Variants in DDAH1 observed in about 807,000 individuals in gnomAD.
The protein encoded by DDAH1 is dimethylarginine dimethylaminohydrolase 1.
In DDAH1, 19 loss-of-function variants were observed where a neutral mutation model predicts 28.8. That is an observed-to-expected ratio of 0.66 (90% CI 0.46 to 0.97). The LOEUF is 0.97. Ranked by LOEUF, DDAH1 falls within the 50% of genes least tolerant of loss-of-function variation. The pLI, the probability that DDAH1 is intolerant of heterozygous loss-of-function variation, is 0.00. For missense variants in DDAH1, 326 were observed against 375.9 expected, an observed-to-expected ratio of 0.87 and a Z score of 1.10; for synonymous variants, 153 against 154.4, an observed-to-expected ratio of 0.99 and a Z score of 0.07.
At chr1:85,395,279 A>T (rs928689579) in intron 1 of DDAH1, among the ~76,000 whole-genome samples, 1 of 152,202 alleles carries the variant, frequency 6.6e-6, no homozygotes, top group African/African-American at 2.4e-5. Context: ...AGTTGAAAAC[A>T]GACTAATTTT....
intron 2 of DDAH1, among the ~76,000 whole-genome samples, chr1:85,477,112 T>C (rs929381971): frequency 2.0e-5 from 3 of 151,764 alleles, no homozygotes; most frequent in Admixed American, 6.6e-5. Context: ...GAAAGATGAG[T>C]AGGTATTAAT....
At chr1:85,514,763 C>G (rs1310258419) in intron 1 of DDAH1, among the ~76,000 whole-genome samples, 1 of 152,012 alleles carries the variant, frequency 6.6e-6, no homozygotes, top group African/African-American at 2.4e-5. Flanking sequence ...CCCTTTCACA[C>G]TAGCCCCTGT....
chr1:85,414,681 T>G (rs568721641), intron 1 of DDAH1, among the ~76,000 whole-genome samples: 7 of 152,346 alleles, frequency 4.6e-5, no homozygotes, highest in African/African-American at 1.7e-4. Flanking sequence ...TAACCTACAA[T>G]GCTCTCTTTG....
At chr1:85,495,380 T>C (rs1285815628) in intron 2 of DDAH1, 1 of 152,152 alleles carries the variant, frequency 6.6e-6, no homozygotes, top group Non-Finnish European at 1.5e-5. Flanking sequence ...GGTGATAGCA[T>C]TTGTACATTA....
chr1:85,544,771 T>G (rs1336695087), intron 1 of DDAH1, among the ~76,000 whole-genome samples: 1 of 152,158 alleles, frequency 6.6e-6, no homozygotes, highest in African/African-American at 2.4e-5. Flanking sequence ...ATCAGGAAAC[T>G]GCTCGTGGCC....
At chr1:85,571,016 A>T (rs562032700) in intron 1 of DDAH1, among the ~76,000 whole-genome samples, 1 of 152,208 alleles carries the variant, frequency 6.6e-6, no homozygotes, top group East Asian at 1.9e-4. Context: ...GTTTGGTCAC[A>T]TTCTAACTGT....
intron 1 of DDAH1, among the ~76,000 whole-genome samples, chr1:85,542,913 G>A (rs1338438285): frequency 1.3e-5 from 2 of 152,094 alleles, no homozygotes; most frequent in African/African-American, 4.8e-5. Context: ...TTATAATGAC[G>A]TGCAGAGATG....
intron 1 of DDAH1, among the ~76,000 whole-genome samples, chr1:85,417,177 T>C (rs1652923647): frequency 6.6e-6 from 1 of 152,198 alleles, no homozygotes; most frequent in African/African-American, 2.4e-5. Flanking sequence ...TGAGTTGAAA[T>C]CTGAGACCCC....
chr1:85,347,037 A>G (rs1444796550), intron 4 of DDAH1, among the ~76,000 whole-genome samples: 3 of 152,174 alleles, frequency 2.0e-5, no homozygotes, highest in African/African-American at 7.2e-5. Context: ...ACTGGCCATC[A>G]GAGAAATGCA....
At chr1:85,488,388 G>A (rs1331688122) in intron 2 of DDAH1, 3 of 152,124 alleles carry the variant, frequency 2.0e-5, no homozygotes, top group African/African-American at 7.2e-5. Flanking sequence ...TTCTCACTAT[G>A]TCCTAACATG....
At chr1:85,535,030 C>T (rs1445613084) in intron 1 of DDAH1, among the ~76,000 whole-genome samples, 7 of 150,952 alleles carry the variant, frequency 4.6e-5, no homozygotes, top group Middle Eastern at 3.2e-3. Context: ...TTTTTTTTCC[C>T]GTGGAAATGA....
chr1:85,502,702 G>T (rs1392736297), intron 1 of DDAH1, among the ~76,000 whole-genome samples: 3 of 152,318 alleles, frequency 2.0e-5, no homozygotes, highest in African/African-American at 7.2e-5. Context: ...CAGTGCTGCA[G>T]CCACTGGTAC....
chr1:85,448,720 C>A lies in DDAH1; in HGVS notation c.303+16023G>T, dbSNP rs533631648. ...AATTACAATAATGTGAATAATTTTTCTTTTATAAAAAAACCCCACGAAACA... is the reference window on the plus strand; with the variant it reads ...AATTACAATAATGTGAATAATTTTTATTTTATAAAAAAACCCCACGAAACA... On this transcript the variant is annotated intron_variant, in intron 1 of 5. Transcript: ENST00000284031. Among the ~76,000 whole-genome samples the A allele has an allele frequency of 2.0e-5, 3 of 152,214 alleles. No homozygotes were observed. In the East Asian group the frequency reaches 5.8e-4, roughly 29 times the overall value.
intron 2 of DDAH1, among the ~76,000 whole-genome samples, chr1:85,354,471 TA>T (rs1387603636): frequency 1.3e-5 from 2 of 152,144 alleles, no homozygotes; most frequent in Non-Finnish European, 1.5e-5. Context: ...ACAGATCCAT[TA>T]TTTTTTTATT....
At position 85,355,657 on chromosome 1, in the gene DDAH1, T is replaced by C. The variant is rs184250287; in HGVS notation, c.403+3091A>G. Reference sequence around the variant, plus strand: ...GAAATTCATTTCCAGGTGTTTACTTTAGAGAAACTCTTGTATATGTTCCCA... The same window carrying C: ...GAAATTCATTTCCAGGTGTTTACTTCAGAGAAACTCTTGTATATGTTCCCA... On this transcript the variant is annotated intron_variant, in intron 2 of 5. Coordinates refer to ENST00000284031, the MANE Select transcript of DDAH1 (RefSeq NM_012137.4). 6.3e-4 allele frequency among the ~76,000 whole-genome samples: 96 copies of C among 152,308 alleles called. No individual in the cohort carries two copies. In the Middle Eastern group the frequency reaches 0.031, roughly 49 times the overall value.
chr1:85,326,812 G>A (rs768018009), intron 4 of DDAH1, among the ~76,000 whole-genome samples: 5 of 152,188 alleles, frequency 3.3e-5, no homozygotes, highest in Non-Finnish European at 7.3e-5. Flanking sequence ...TATGGAGTGG[G>A]TCTTTCTTTA....
intron 1 of DDAH1, among the ~76,000 whole-genome samples, chr1:85,431,990 G>A (rs569865652): frequency 5.3e-5 from 8 of 152,290 alleles, no homozygotes; most frequent in African/African-American, 1.9e-4. Context: ...CAAACATGAT[G>A]AGCTTTACAG....
chr1:85,433,770 T>C (rs754781201), intron 1 of DDAH1, among the ~76,000 whole-genome samples: 14 of 152,224 alleles, frequency 9.2e-5, no homozygotes, highest in Non-Finnish European at 1.8e-4. Flanking sequence ...ATTTGTAGCC[T>C]AAGCTATGTT....
intron 4 of DDAH1, among the ~76,000 whole-genome samples, chr1:85,338,386 T>C (rs1018167587): frequency 2.0e-5 from 3 of 152,174 alleles, no homozygotes; most frequent in African/African-American, 7.2e-5. Context: ...AGGGGAGTTA[T>C]GCTTGATTTT....
Sources: gnomAD v4.1 joint callset for allele counts (sites outside exome capture counted in the v4.1 genomes callset) on GRCh38, gnomAD v4.1.1 for gene constraint, MANE v1.5 for transcripts, NCBI Gene and HGNC (gene_info 2026-07-23, HGNC 2026-07-21) for gene names.